Variants in DPP7 observed in about 807,000 individuals in gnomAD.
DPP7 encodes the protein dipeptidyl peptidase 2.
Under a neutral mutation model 58.8 loss-of-function variants are expected in DPP7, and 74 were observed. That is an observed-to-expected ratio of 1.26 (90% CI 1.04 to 1.53). The LOEUF is 1.53. Ranked by LOEUF, DPP7 falls within the 40% of genes most tolerant of loss-of-function variation. DPP7 has a pLI of 0.00. For synonymous variants in DPP7, 350 were observed against 303.6 expected, an observed-to-expected ratio of 1.15 and a Z score of -1.59; for missense variants, 807 against 692.3, an observed-to-expected ratio of 1.17 and a Z score of -1.86.
rs760539061 is a variant in DPP7, at chr9:137,112,142, G to A, written c.1020C>T (p.Thr340=). The A allele has an allele frequency of 1.6e-5, 26 of 1,610,606 alleles. No individual in the cohort carries two copies. Among genetic ancestry groups the A allele is most frequent in the Non-Finnish European group, 1.5e-5 (18 of 1,179,678 alleles). Residue 340 remains threonine, a synonymous_variant, in exon 9 of 13, where the codon ACC becomes ACT. Transcript: ENST00000371579. ...HSCADPTGCG[T]GPDARAWDYQ... is the part of the protein sequence containing the mutation. Reference sequence around the variant, plus strand: ...AGTCCCAGGCCCTGGCGTCGGGGCCGGTGCCGCAGCCAGTGGGGTCAGCAC... The same window carrying A: ...AGTCCCAGGCCCTGGCGTCGGGGCCAGTGCCGCAGCCAGTGGGGTCAGCAC...
chr9:137,112,778 C>T lies in DPP7; in HGVS notation c.898G>A (p.Ala300Thr), dbSNP rs1554761771. ...KVGCDRLLSEAQRITGLRALA... is the reference protein window; with the variant it reads ...KVGCDRLLSETQRITGLRALA... ...GCTCGCAGCCCCGTGATCCTCTGGG[C>T]CTCACTCAGCAGCCGATCACAGCCC... Residue 300 changes from alanine (A) to threonine (T), a missense_variant, in exon 8 of 13, where the codon GCC becomes ACC. Transcript: ENST00000371579. 11 of 1,609,260 alleles carry T rather than the reference C, an allele frequency of 6.8e-6. No individual in the cohort carries two copies. Among genetic ancestry groups the T allele is most frequent in the Non-Finnish European group, 8.5e-6 (10 of 1,179,380 alleles).
At position 137,114,012 on chromosome 9, in the gene DPP7, G is replaced by A; in HGVS notation, c.338C>T (p.Ser113Leu). 2 of 1,514,106 alleles carry A rather than the reference G, an allele frequency of 1.3e-6. No individual in the cohort carries two copies. Among genetic ancestry groups the A allele is most frequent in the Non-Finnish European group, 1.8e-6 (2 of 1,128,976 alleles). 93.8% of individuals were successfully genotyped at this position (1,514,106 alleles called of 1,614,324 possible). A position where few individuals can be genotyped will look rare whatever the true frequency, so the allele number is the denominator to read the frequency against. Reference sequence around the variant, plus strand: ...CGTGGACTGCGCACCGAACGGCAGCGACTTCCCGTAGTAGCGCTGGGGGAA... The same window carrying A: ...CGTGGACTGCGCACCGAACGGCAGCAACTTCCCGTAGTAGCGCTGGGGGAA... ...VFAEHRYYGK[S>L]LPFGAQSTQR... is the part of the protein sequence containing the mutation. The change falls in exon 4 of 13, where the codon TCG (serine) becomes TTG (leucine). Residue 113 changes from serine to leucine, a missense_variant. Coordinates refer to ENST00000371579, the MANE Select transcript of DPP7 (RefSeq NM_013379.3).
upstream of DPP7, among the ~76,000 whole-genome samples, chr9:137,117,671 G>A (rs1426810794): frequency 1.3e-5 from 2 of 152,358 alleles, no homozygotes; most frequent in East Asian, 3.9e-4. Flanking sequence ...CCCTCAGACT[G>A]AAAGGCTATC....
chr9:137,111,777 T>G, intron 10 of DPP7, 23 bp from the exon 11 acceptor site: 1 of 1,613,538 alleles, frequency 6.2e-7, no homozygotes, highest in Non-Finnish European at 8.5e-7. Context: ...GAGAAAGTTG[T>G]GATGTGGGCC....
At chr9:137,117,344 A>G (rs1831659839), upstream of DPP7, among the ~76,000 whole-genome samples, 1 of 152,218 alleles carries the variant, frequency 6.6e-6, no homozygotes, top group Non-Finnish European at 1.5e-5. Flanking sequence ...CCAAGGGGCA[A>G]GTGAGCCTAG....
At position 137,112,934 on chromosome 9, in the gene DPP7, C is replaced by T; in HGVS notation, c.870+19G>A. ...ACTCCAGCCGGCCTCTCCCTGCGCC[C>T]TGGGAGGCGGCGCCTCACCTTGACG... On this transcript the variant is annotated intron_variant, in intron 7 of 12. Transcript: ENST00000371579. The T allele has an allele frequency of 1.9e-6, 3 of 1,612,648 alleles. No homozygotes were observed. Among genetic ancestry groups the T allele is most frequent in the Non-Finnish European group, 2.5e-6 (3 of 1,179,636 alleles).
intron 4 of DPP7, 131 bp from the exon 5 acceptor site, chr9:137,113,627 T>A: frequency 7.0e-7 from 1 of 1,430,826 alleles, no homozygotes. Flanking sequence ...CTGGGCCAGG[T>A]GCGGGTGCAG....
Position 137,114,559 on chromosome 9 carries a change from G to C in DPP7, c.85C>G (p.Pro29Ala), listed in dbSNP as rs1450866706. 4.5e-6 allele frequency: 7 copies of C among 1,559,580 alleles called. No individual in the cohort carries two copies. The highest frequency in any genetic ancestry group is 6.1e-6 in the Non-Finnish European group (7 of 1,154,352). The change falls in exon 2 of 13, where the codon CCC (proline) becomes GCC (alanine). Residue 29 changes from proline (P) to alanine (A), a missense_variant. Coordinates refer to ENST00000371579, the MANE Select transcript of DPP7 (RefSeq NM_013379.3). ...TGGAAGAAGCGCTCCTGGAAGCCGGGGTCCGGGGCCCTGCGGGCTGTGGGG... is the reference window on the plus strand; with the variant it reads ...TGGAAGAAGCGCTCCTGGAAGCCGGCGTCCGGGGCCCTGCGGGCTGTGGGG... ...LQAGARRAPD[P>A]GFQERFFQQR...
chr9:137,114,986 C>G (rs1831586625), upstream of DPP7: 1 of 305,312 alleles, frequency 3.3e-6, no homozygotes, highest in Non-Finnish European at 6.0e-6. Context: ...GCGGCCCCAT[C>G]CGGAGCTGCG....
upstream of DPP7, among the ~76,000 whole-genome samples, chr9:137,115,725 G>C (rs575832052): frequency 6.6e-6 from 1 of 152,212 alleles, no homozygotes; most frequent in South Asian, 2.1e-4. Flanking sequence ...TGGGTGACTG[G>C]TGGCTGGGGC....
chr9:137,114,853 G>GC (rs1831582204), upstream of DPP7: 6 of 525,162 alleles, frequency 1.1e-5, no homozygotes, highest in Non-Finnish European at 1.7e-5. Context: ...CCGGGGCTGT[G>GC]CCCCCCAACA....
At chr9:137,114,185 A>AC (rs1831527638) in intron 3 of DPP7, 58 bp downstream of exon 3, 2 of 470,448 alleles carry the variant, frequency 4.3e-6, no homozygotes, top group Non-Finnish European at 5.3e-6. Context: ...CCCGCCCGCG[A>AC]CCCCGCCCGG....
Position 137,114,019 on chromosome 9 carries a change from C to T in DPP7, c.331G>A (p.Gly111Arg), listed in dbSNP as rs138978681. The T allele has an allele frequency of 4.3e-4, 636 of 1,490,162 alleles. No homozygotes were observed. Among genetic ancestry groups the T allele is most frequent in the Non-Finnish European group, 5.2e-4 (584 of 1,114,812 alleles). 92.3% of individuals were successfully genotyped at this position (1,490,162 alleles called of 1,614,324 possible). Reference protein sequence around the residue: ...LLVFAEHRYYGKSLPFGAQST... With the variant: ...LLVFAEHRYYRKSLPFGAQST... ...TGCGCACCGAACGGCAGCGACTTCCCGTAGTAGCGCTGGGGGAACGTGCCA... is the reference window on the plus strand; with the variant it reads ...TGCGCACCGAACGGCAGCGACTTCCTGTAGTAGCGCTGGGGGAACGTGCCA... Residue 111 changes from glycine (G) to arginine (R), a missense_variant, in exon 4 of 13, where the codon GGG (glycine) becomes AGG (arginine). Physicochemically the swap from Gly to Arg is moderately radical, Grantham distance 125. Transcript: ENST00000371579.
At chr9:137,112,689 C>T (rs1393715083) in intron 8 of DPP7, 56 bp downstream of exon 8, 29 of 1,555,330 alleles carry the variant, frequency 1.9e-5, no homozygotes, top group Non-Finnish European at 2.5e-5. Flanking sequence ...GGCCCCAGGA[C>T]CCAAGCCAAG....
Position 137,114,539 on chromosome 9 carries a change from G to C in DPP7, c.105C>G (p.Phe35Leu), listed in dbSNP as rs375767477. ...RAPDPGFQERFFQQRLDHFNF... is the reference protein window; with the variant it reads ...RAPDPGFQERLFQQRLDHFNF... ...TGAAGTGGTCCAGACGCTGCTGGAA[G>C]AAGCGCTCCTGGAAGCCGGGGTCCG... The change falls in exon 2 of 13, where the codon TTC (phenylalanine) becomes TTG (leucine). Residue 35 changes from phenylalanine (F) to leucine (L), a missense_variant. Phe to Leu is a conservative substitution (Grantham distance 22, BLOSUM62 0). This residue lies in a region of DPP7 where 168 missense variants were observed against 124.1 expected (regional missense o/e 1.35). Coordinates refer to ENST00000371579, the MANE Select transcript of DPP7 (RefSeq NM_013379.3). 1 of 1,571,830 alleles carries C rather than the reference G, an allele frequency of 6.4e-7. No homozygotes were observed. Among genetic ancestry groups the C allele is most frequent in the Non-Finnish European group, 8.6e-7 (1 of 1,160,322 alleles).
chr9:137,110,674 G>T lies in DPP7; in HGVS notation c.1453C>A (p.Arg485Ser). 6.2e-7 allele frequency: 1 copy of T among 1,609,632 alleles called. No individual in the cohort carries two copies. Among genetic ancestry groups the T allele is most frequent in the Non-Finnish European group, 8.5e-7 (1 of 1,179,930 alleles). The change falls in exon 13 of 13, where the codon CGT becomes AGT. Residue 485 changes from arginine (R) to serine (S), a missense_variant. Physicochemically the swap from Arg to Ser is moderately radical, Grantham distance 110. This residue lies in a region of DPP7 where 624 missense variants were observed against 531.2 expected (regional missense o/e 1.17). Coordinates refer to ENST00000371579, the MANE Select transcript of DPP7 (RefSeq NM_013379.3). ...AARREQQPAL[R>S]GGPRLSL ...CAGAGGCTGAGTCTGGGCCCCCCAC[G>T]CAGAGCTGGCTGCTGCTCACGCCTG...
In DPP7 at chr9:137,110,876, G is replaced by A. The variant is rs774131527; in HGVS notation, c.1343+4C>T. On this transcript the variant is annotated splice_donor_region_variant and intron_variant, in intron 12 of 12. Coordinates refer to ENST00000371579, the MANE Select transcript of DPP7 (RefSeq NM_013379.3). The stretch of plus-strand genomic sequence containing the variant: ...GACCACCGCCAGGCCACCTCCCTCC[G>A]CACCTGAGGTCGAGGTGGTGCGCTC... 92 of 1,611,256 alleles carry A rather than the reference G, an allele frequency of 5.7e-5. No homozygotes were observed. The highest frequency in any genetic ancestry group is 7.0e-5 in the Non-Finnish European group (83 of 1,179,664).
chr9:137,114,975 C>T (rs1031000950), upstream of DPP7: 4 of 312,844 alleles, frequency 1.3e-5, no homozygotes, highest in Middle Eastern at 8.9e-4. Context: ...GTCCTCCTAC[C>T]GCGGCCCCAT....
rs1564323664 is a variant in DPP7, at chr9:137,113,300, G to A, written c.622-13C>T. On this transcript the variant is annotated splice_polypyrimidine_tract_variant and intron_variant, in intron 5 of 12. Coordinates refer to ENST00000371579, the MANE Select transcript of DPP7 (RefSeq NM_013379.3). ...GGCCCTCAAAGTCCTGGGGGAAAGA[G>A]ACCGTGCTGACTGCAGCTGCTGTCC... 6.2e-7 allele frequency: 1 copy of A among 1,613,646 alleles called. No individual in the cohort carries two copies. Among genetic ancestry groups the A allele is most frequent in the Non-Finnish European group, 8.5e-7 (1 of 1,179,994 alleles).
Sources: allele counts gnomAD v4.1 joint callset (sites outside exome capture counted in the v4.1 genomes callset), GRCh38; gene constraint gnomAD v4.1.1; regional missense constraint gnomAD v4.1.1; transcripts MANE v1.5; gene names NCBI Gene and HGNC (gene_info 2026-07-23, HGNC 2026-07-21).